The following TPP2 variants were observed in gnomAD, a reference collection of about 807,000 sequenced individuals.
TPP2 encodes the protein tripeptidyl peptidase 2.
A neutral mutation model predicts 155.9 loss-of-function variants in TPP2; 34 were observed. That is an observed-to-expected ratio of 0.22 (90% CI 0.17 to 0.29). TPP2 has a LOEUF of 0.29. Among genes scored for constraint, TPP2 ranks in the 10% least tolerant of loss-of-function variants. The pLI is 1.00. For synonymous variants in TPP2, 510 were observed against 529.4 expected, an observed-to-expected ratio of 0.96 and a Z score of 0.50; for missense variants, 1,028 against 1,522.3, an observed-to-expected ratio of 0.68 and a Z score of 5.40.
At chr13:102,618,200 G>C (rs946671739) in intron 4 of TPP2, among the ~76,000 whole-genome samples, 9 of 152,116 alleles carry the variant, frequency 5.9e-5, no homozygotes, top group South Asian at 2.1e-4. Context: ...CTAAAATAAG[G>C]CTTCACTTAC....
chr13:102,639,323 A>G (rs766811787), intron 15 of TPP2, among the ~76,000 whole-genome samples: 6 of 152,150 alleles, frequency 3.9e-5, no homozygotes, highest in Non-Finnish European at 5.9e-5. Context: ...GGTAAATATT[A>G]AGTATGCAAT....
In TPP2 at chr13:102,678,261, C is replaced by G. The variant is rs779523978; in HGVS notation, c.3734C>G (p.Ser1245Cys). The G allele has an allele frequency of 2.5e-6, 4 of 1,613,696 alleles. No homozygotes were observed. Among genetic ancestry groups the G allele is most frequent in the Non-Finnish European group, 3.4e-6 (4 of 1,179,734 alleles). Residue 1245 changes from serine (S) to cysteine (C), a missense_variant, in exon 30 of 30, where the codon TCT becomes TGT. By Grantham distance (112) the Ser-to-Cys change is moderately radical. Transcript: ENST00000376052. ...TTACTTGGATGGACCCATTGTGCATCTTTTACTGAAAACTGGCTCCCCATC... is the reference window on the plus strand; with the variant it reads ...TTACTTGGATGGACCCATTGTGCATGTTTTACTGAAAACTGGCTCCCCATC... The part of the protein sequence containing the change: ...MKLLGWTHCA[S>C]FTENWLPIMY...
At chr13:102,623,714 AT>A (rs1881339820) in intron 6 of TPP2, among the ~76,000 whole-genome samples, 1 of 152,230 alleles carries the variant, frequency 6.6e-6, no homozygotes, top group Non-Finnish European at 1.5e-5. Flanking sequence ...TGGAAACTAA[AT>A]ACCTATTAAC....
chr13:102,663,584 A>G, intron 25 of TPP2, 64 bp from the exon 26 acceptor site: 4 of 1,139,718 alleles, frequency 3.5e-6, no homozygotes, highest in Non-Finnish European at 4.8e-6. Context: ...GTTAAATAAT[A>G]GAGAAGACAA....
rs1595159260 is a variant in TPP2 at position 102,627,191 on chromosome 13, C to G, written c.939+25C>G. ...TGTGAGTGTTTGTGAGTTGTTGATTCAGAAGATTAATGATTAATGATCTTG... is the reference window on the plus strand; with the variant it reads ...TGTGAGTGTTTGTGAGTTGTTGATTGAGAAGATTAATGATTAATGATCTTG... On this transcript the variant is annotated intron_variant, in intron 7 of 29. Coordinates refer to ENST00000376052, the MANE Select transcript of TPP2 (RefSeq NM_001330588.2). 7 of 1,537,080 alleles carry G rather than the reference C, an allele frequency of 4.6e-6. No individual in the cohort carries two copies. In the East Asian group the frequency reaches 1.2e-4, roughly 26 times the overall value.
At chr13:102,655,012 G>A (rs1482953242) in intron 24 of TPP2, 7 of 508,150 alleles carry the variant, frequency 1.4e-5, no homozygotes, top group Non-Finnish European at 2.0e-5. Flanking sequence ...TTTCACGTGA[G>A]GCCTTTGTTT....
At chr13:102,633,915 CCAT>C (rs1882194861) in intron 10 of TPP2, 32 bp from the exon 11 acceptor site, 1 of 1,611,810 alleles carries the variant, frequency 6.2e-7, no homozygotes, top group African/African-American at 1.3e-5. Context: ...TTAGCTTTCA[CCAT>C]CCTAAGCAAA....
chr13:102,651,458 TTC>T (rs1332681011), intron 24 of TPP2, 61 bp downstream of exon 24: 1 of 1,525,602 alleles, frequency 6.6e-7, no homozygotes, highest in Middle Eastern at 1.9e-4. Context: ...TTAAACTTTT[TTC>T]TGTCACTATT....
chr13:102,624,173 A>T (rs141848543), intron 6 of TPP2, among the ~76,000 whole-genome samples: 50 of 152,236 alleles, frequency 3.3e-4, no homozygotes, highest in African/African-American at 1.2e-3. Flanking sequence ...TGCAGTGTTT[A>T]TAGATATGTG....
chr13:102,603,186 A>T (rs1439562672), intron 1 of TPP2, among the ~76,000 whole-genome samples: 1 of 152,240 alleles, frequency 6.6e-6, no homozygotes, highest in African/African-American at 2.4e-5. Context: ...TGTGTCTTGT[A>T]ATTCAGTAAT....
At chr13:102,668,132 G>T (rs1884730655) in intron 27 of TPP2, among the ~76,000 whole-genome samples, 1 of 152,176 alleles carries the variant, frequency 6.6e-6, no homozygotes, top group Non-Finnish European at 1.5e-5. Flanking sequence ...ATGATCAAAG[G>T]TTGGTTTTTG....
intron 2 of TPP2, among the ~76,000 whole-genome samples, chr13:102,609,841 T>C (rs1012214677): frequency 1.3e-5 from 2 of 152,134 alleles, no homozygotes; most frequent in Non-Finnish European, 2.9e-5. Context: ...GCGATTTGGG[T>C]AGAGACAGAG....
At position 102,644,778 on chromosome 13, in the gene TPP2, G is replaced by A. The variant is rs540305098; in HGVS notation, c.2292+105G>A. The A allele has an allele frequency of 1.4e-5, 20 of 1,399,502 alleles. No individual in the cohort carries two copies. The South Asian group carries it at 2.4e-4, about 17-fold the overall frequency. The allele number at this position is 1,399,502 out of a possible 1,614,324, so 86.7% of individuals were successfully genotyped here. On this transcript the variant is annotated intron_variant, in intron 18 of 29. Transcript: ENST00000376052. ...ACTTTAATGAGGGGAAATTACCTGT[G>A]GTTCTGAAGATAGCAGTAGGCTTTG...
chr13:102,632,238 T>C (rs1389580103), intron 10 of TPP2, among the ~76,000 whole-genome samples: 1 of 150,032 alleles, frequency 6.7e-6, no homozygotes, highest in East Asian at 1.9e-4. Context: ...TTCTGTTTCA[T>C]GAGACTTTTT....
At chr13:102,670,936 C>T (rs569759588) in intron 27 of TPP2, among the ~76,000 whole-genome samples, 1 of 152,340 alleles carries the variant, frequency 6.6e-6, no homozygotes, top group African/African-American at 2.4e-5. Context: ...TATAGACTTA[C>T]AAGTCCTGGC....
At position 102,616,745 on chromosome 13, in the gene TPP2, T is replaced by G. The variant is rs1880764621; in HGVS notation, c.495+245T>G. ...TACATAAATTGTGTTTGGTTATGAA[T>G]TCTCCCATGAAAGCTGCACCTAGGA... On this transcript the variant is annotated intron_variant, in intron 4 of 29. Transcript: ENST00000376052. Among the ~76,000 whole-genome samples the G allele has an allele frequency of 2.0e-5, 3 of 152,344 alleles. No individual in the cohort carries two copies. In the South Asian group the frequency reaches 6.2e-4, roughly 32 times the overall value.
chr13:102,652,412 AT>A, intron 24 of TPP2, among the ~76,000 whole-genome samples: 1 of 8,406 alleles, frequency 1.2e-4, no homozygotes, highest in Non-Finnish European at 1.9e-4. Context: ...ATATATATAT[AT>A]ATATATATAT....
At chr13:102,631,794 T>G (rs1882036181) in intron 10 of TPP2, among the ~76,000 whole-genome samples, 1 of 152,206 alleles carries the variant, frequency 6.6e-6, no homozygotes, top group African/African-American at 2.4e-5. Context: ...AATTATTACA[T>G]TAGATGGTAT....
At chr13:102,646,450 T>G in intron 20 of TPP2, 60 bp downstream of exon 20, 1 of 1,343,968 alleles carries the variant, frequency 7.4e-7, no homozygotes. Context: ...TATTTATGAT[T>G]CATAGAATCA....
Sources: allele counts gnomAD v4.1 joint callset (sites outside exome capture counted in the v4.1 genomes callset), GRCh38; gene constraint gnomAD v4.1.1; transcripts MANE v1.5; gene names NCBI Gene and HGNC (gene_info 2026-07-23, HGNC 2026-07-21).